The following LRRK1 variants were observed in gnomAD, a reference collection of about 807,000 sequenced individuals.
The protein encoded by LRRK1 is leucine rich repeat kinase 1, also known as leucine-rich repeat serine/threonine-protein kinase 1.
In LRRK1, 113 loss-of-function variants were observed where a neutral mutation model predicts 209.1. The ratio of observed to expected loss-of-function variants is 0.54; its 90% confidence interval spans 0.46 to 0.63. The LOEUF (loss-of-function observed/expected upper bound fraction) is 0.63, where lower values mean the gene tolerates loss of function less well. LRRK1 is among the 30% of genes least tolerant of loss of function. The pLI is 0.00. For missense variants in LRRK1, 2,284 were observed against 2,632.2 expected (o/e 0.87, Z 2.89); for synonymous variants, 1,144 against 1,099.7 (o/e 1.04, Z -0.80).
chr15:101,006,849 A>G (rs1199974756), intron 6 of LRRK1, among the ~76,000 whole-genome samples: 1 of 152,228 alleles, frequency 6.6e-6, no homozygotes, highest in African/African-American at 2.4e-5. Flanking sequence ...ACTTTTCTGA[A>G]ATTTAAAAAA....
At chr15:100,992,019 G>C (rs892371916) in intron 6 of LRRK1, among the ~76,000 whole-genome samples, 18 of 152,106 alleles carry the variant, frequency 1.2e-4, no homozygotes, top group Non-Finnish European at 2.2e-4. Flanking sequence ...ACTCAACCTT[G>C]AACTCCTATT....
At chr15:100,939,378 T>C (rs1023378450) in intron 2 of LRRK1, among the ~76,000 whole-genome samples, 1 of 152,254 alleles carries the variant, frequency 6.6e-6, no homozygotes, top group Admixed American at 6.5e-5. Flanking sequence ...TGGCCTGACA[T>C]GTTCCCACCT....
chr15:100,983,283 T>C (rs887457853), intron 3 of LRRK1, among the ~76,000 whole-genome samples: 1 of 152,176 alleles, frequency 6.6e-6, no homozygotes, highest in African/African-American at 2.4e-5. Flanking sequence ...CAACATAAAT[T>C]ATTGATGAGC....
intron 3 of LRRK1, among the ~76,000 whole-genome samples, chr15:100,979,010 C>T (rs1303330444): frequency 2.0e-5 from 3 of 152,148 alleles, no homozygotes; most frequent in Non-Finnish European, 4.4e-5. Context: ...TTAGCAAGTA[C>T]AATTCTGCTA....
intron 3 of LRRK1, among the ~76,000 whole-genome samples, chr15:100,978,819 C>T (rs942586115): frequency 6.6e-6 from 1 of 152,108 alleles, no homozygotes; most frequent in Admixed American, 6.5e-5. Context: ...TTCTACCTAA[C>T]ATTTAAAGAA....
chr15:101,051,679 G>A lies in LRRK1; in HGVS notation c.3440-32G>A, dbSNP rs757745962. Reference sequence around the variant, plus strand: ...GGGGGCCCTCCTGCACCACCTTCTTGTGAAGCTGTCTCCTGCTCTGTCCTT... The same window carrying A: ...GGGGGCCCTCCTGCACCACCTTCTTATGAAGCTGTCTCCTGCTCTGTCCTT... On this transcript the variant is annotated intron_variant, in intron 23 of 33. Coordinates refer to ENST00000388948, the MANE Select transcript of LRRK1 (RefSeq NM_024652.6). 2.5e-6 allele frequency: 4 copies of A among 1,602,852 alleles called. No individual in the cohort carries two copies. The East Asian group carries it at 8.9e-5, about 36-fold the overall frequency.
At chr15:100,951,716 C>A (rs561036413) in intron 2 of LRRK1, among the ~76,000 whole-genome samples, 1 of 152,138 alleles carries the variant, frequency 6.6e-6, no homozygotes, top group East Asian at 1.9e-4. Context: ...CTTTGGGAGG[C>A]CGAGACAGGT....
chr15:101,026,201 G>T (rs2034025781), intron 17 of LRRK1, 64 bp downstream of exon 17: 1 of 1,527,248 alleles, frequency 6.5e-7, no homozygotes. Flanking sequence ...TCTTTCCTGG[G>T]ATCAGCTTGC....
At chr15:100,939,795 G>C (rs1234097445) in intron 2 of LRRK1, among the ~76,000 whole-genome samples, 1 of 152,142 alleles carries the variant, frequency 6.6e-6, no homozygotes, top group Non-Finnish European at 1.5e-5. Flanking sequence ...AAATAGTTGG[G>C]TTTTTTTCTC....
chr15:101,065,877 G>A lies in LRRK1; in HGVS notation c.5440G>A (p.Ala1814Thr), dbSNP rs35787282. 5,865 of 1,614,116 alleles carry A rather than the reference G, an allele frequency of 3.6e-3. 26 individuals are homozygous for A. The highest frequency in any genetic ancestry group is 7.4e-3 in the Middle Eastern group (45 of 6,062). ...NPKVPEGDSI[A>T]DVSIMYSEEL... ...AAAGGTGCCTGAGGGGGACTCCATC[G>A]CGGACGTGAGCATCATGTACAGTGA... Residue 1814 changes from alanine (A) to threonine (T), a missense_variant, in exon 32 of 34, where the codon GCG becomes ACG. By Grantham distance (58) the Ala-to-Thr change is moderately conservative (BLOSUM62 0). Around this residue, in one of 6 missense-constraint regions of LRRK1, gnomAD observed 643 missense variants for 695.9 expected, o/e 0.92. Coordinates refer to ENST00000388948, the MANE Select transcript of LRRK1 (RefSeq NM_024652.6).
chr15:100,962,878 C>T (rs1317116482), intron 2 of LRRK1, among the ~76,000 whole-genome samples: 2 of 96,884 alleles, frequency 2.1e-5, no homozygotes, highest in African/African-American at 7.9e-5. Context: ...GGCTGGGGTG[C>T]AATGGCGCAA....
intron 6 of LRRK1, among the ~76,000 whole-genome samples, chr15:101,006,047 T>C (rs566511762): frequency 1.3e-5 from 2 of 152,148 alleles, no homozygotes; most frequent in African/African-American, 4.8e-5. Context: ...TATCACCCCA[T>C]AGATTGTGTA....
intron 6 of LRRK1, among the ~76,000 whole-genome samples, chr15:100,993,237 T>A (rs538753140): frequency 6.6e-6 from 1 of 152,232 alleles, no homozygotes; most frequent in Non-Finnish European, 1.5e-5. Context: ...TATTTCTTCC[T>A]CCTTTTTCTC....
chr15:101,048,000 G>A lies in LRRK1; in HGVS notation c.3136-494G>A, dbSNP rs185499391. 1.9e-3 allele frequency among the ~76,000 whole-genome samples: 286 copies of A among 152,064 alleles called. 1 individual carries two copies. Among genetic ancestry groups the A allele is most frequent in the African/African-American group, 6.4e-3 (267 of 41,428 alleles). On this transcript the variant is annotated intron_variant, in intron 21 of 33. Transcript: ENST00000388948. ...TAAACTTTAGAAAAATGAATTTTATGTGTGTTTTTAATGGCATAGGAAAGG... is the reference window on the plus strand; with the variant it reads ...TAAACTTTAGAAAAATGAATTTTATATGTGTTTTTAATGGCATAGGAAAGG...
intron 21 of LRRK1, among the ~76,000 whole-genome samples, chr15:101,046,480 T>C (rs575211992): frequency 2.6e-5 from 4 of 152,164 alleles, no homozygotes; most frequent in Non-Finnish European, 5.9e-5. Flanking sequence ...ATTCAGTAGG[T>C]GTGGACTGAG....
At position 101,013,022 on chromosome 15, in the gene LRRK1, G is replaced by T. The variant is rs186584847; in HGVS notation, c.1419+877G>T. On this transcript the variant is annotated intron_variant, in intron 10 of 33. Coordinates refer to ENST00000388948, the MANE Select transcript of LRRK1 (RefSeq NM_024652.6). ...CGTATTTCACACCAACAACTAGCAG[G>T]CTTGGATTTTTGGCTTCCCCCAAAG... is the stretch of plus-strand genomic sequence containing the variant. 2.6e-5 allele frequency among the ~76,000 whole-genome samples: 4 copies of T among 152,318 alleles called. No homozygotes were observed. In the East Asian group the frequency reaches 7.7e-4, roughly 29 times the overall value.
chr15:100,957,283 T>C (rs1475682020), intron 2 of LRRK1, among the ~76,000 whole-genome samples: 1 of 152,214 alleles, frequency 6.6e-6, no homozygotes, highest in East Asian at 1.9e-4. Flanking sequence ...TTGAAGGCAT[T>C]GTTCTGCATA....
intron 2 of LRRK1, among the ~76,000 whole-genome samples, chr15:100,952,634 C>T (rs1346889077): frequency 6.6e-6 from 1 of 152,110 alleles, no homozygotes; most frequent in African/African-American, 2.4e-5. Flanking sequence ...CTGACTCCTG[C>T]CCTGGCCCAC....
intron 2 of LRRK1, among the ~76,000 whole-genome samples, chr15:100,937,511 GTTTA>G (rs947553712): frequency 9.4e-5 from 14 of 149,090 alleles, no homozygotes; most frequent in East Asian, 3.9e-4. Context: ...TTTTTAAAAT[GTTTA>G]TTTATTTATT....
Sources: allele counts gnomAD v4.1 joint callset (sites outside exome capture counted in the v4.1 genomes callset), GRCh38; gene constraint gnomAD v4.1.1; regional missense constraint gnomAD v4.1.1; transcripts MANE v1.5; gene names NCBI Gene and HGNC (gene_info 2026-07-23, HGNC 2026-07-21).